Variants in ABCC10 observed in about 807,000 individuals in gnomAD.
ABCC10 encodes ATP-binding cassette sub-family C member 10.
Under a neutral mutation model 143.2 loss-of-function variants are expected in ABCC10, and 110 were observed. That is an observed-to-expected ratio of 0.77 (90% confidence interval 0.66 to 0.90). The LOEUF (loss-of-function observed/expected upper bound fraction) is 0.90. ABCC10 is among the 40% of genes least tolerant of loss of function. ABCC10 has a pLI of 0.00. For synonymous variants in ABCC10, 805 were observed against 846.7 expected (o/e 0.95, Z 0.85); for missense variants, 1,700 against 1,900.5 (o/e 0.89, Z 1.96).
At chr6:43,438,322 G>A in intron 7 of ABCC10, 1 of 1,399,340 alleles carries the variant, frequency 7.1e-7, no homozygotes, top group East Asian at 2.6e-5. Flanking sequence ...GTTTGAGGGA[G>A]GACCTTGTTT....
At chr6:43,436,477 C>T (rs940975006) in intron 6 of ABCC10, among the ~76,000 whole-genome samples, 5 of 152,186 alleles carry the variant, frequency 3.3e-5, no homozygotes, top group African/African-American at 1.2e-4. Flanking sequence ...TTGTATCCAT[C>T]CAGTCCAGAC....
In ABCC10 at chr6:43,443,884, A is replaced by G. The variant is rs376371466; in HGVS notation, c.2417-49A>G. 1.1e-5 allele frequency: 17 copies of G among 1,542,118 alleles called. No individual in the cohort carries two copies. The African/African-American group carries it at 2.2e-4, about 20-fold the overall frequency. On this transcript the variant is annotated intron_variant, in intron 10 of 21. Transcript: ENST00000372530. The surrounding 1 kb of genome is among the most constrained non-coding windows in gnomAD (Gnocchi z 4.2). ...TCTGCACACGCACTGAGAAAGGCAT[A>G]GTATAGACTCAGAACAGTCCTCTCC...
At position 43,447,264 on chromosome 6, in the gene ABCC10, G is replaced by T. The variant is rs117689292; in HGVS notation, c.3561G>T (p.Ser1187=). 1.7e-4 allele frequency: 269 copies of T among 1,613,298 alleles called. No individual in the cohort carries two copies. In the East Asian group the frequency reaches 5.7e-3, roughly 34 times the overall value. ...CTCCCCCAGGGCTGGTGGGCTTGTCGCTGTCTTATGCCCTGTCCCTGACGG... is the reference window on the plus strand; with the variant it reads ...CTCCCCCAGGGCTGGTGGGCTTGTCTCTGTCTTATGCCCTGTCCCTGACGG... ...GLANPGLVGL[S]LSYALSLTGL... Residue 1187 remains serine, a synonymous_variant, in exon 17 of 22, where the codon TCG becomes TCT. Coordinates refer to ENST00000372530, the MANE Select transcript of ABCC10 (RefSeq NM_001198934.2).
At chr6:43,451,478 T>G (rs2127419955), downstream of ABCC10, among the ~76,000 whole-genome samples, 1 of 152,328 alleles carries the variant, frequency 6.6e-6, no homozygotes, top group East Asian at 1.9e-4. The surrounding 1 kb of genome is among the most constrained non-coding windows in gnomAD (Gnocchi z 4.4). Context: ...TGTCAAGCCA[T>G]TAGCACAGGG....
At position 43,444,917 on chromosome 6, in the gene ABCC10, T is replaced by C; in HGVS notation, c.2819T>C (p.Leu940Pro). ...SMGLFSPQLL[L>P]FSPGNLYIPV... ...GGGCTCTTCTCTCCGCAGCTGCTCC[T>C]CTTTTCCCCTGGAAACCTCTAGTGA... The change falls in exon 13 of 22, where the codon CTC (leucine) becomes CCC (proline). Residue 940 changes from leucine (L) to proline (P), a missense_variant. Transcript: ENST00000372530. 2 of 1,613,224 alleles carry C rather than the reference T, an allele frequency of 1.2e-6. No homozygotes were observed. Among genetic ancestry groups the C allele is most frequent in the Non-Finnish European group, 1.7e-6 (2 of 1,179,618 alleles).
Position 43,447,837 on chromosome 6 carries a change from T to C in ABCC10, c.3859T>C (p.Ser1287Pro). The change falls in exon 18 of 22, where the codon TCT (serine) becomes CCT (proline). Residue 1287 changes from serine to proline, a missense_variant. Physicochemically the swap from Ser to Pro is moderately conservative, Grantham distance 74 (BLOSUM62 -1). Coordinates refer to ENST00000372530, the MANE Select transcript of ABCC10 (RefSeq NM_001198934.2). Reference protein sequence around the residue: ...GIVGRTGSGKSSLLLVLFRLL... With the variant: ...GIVGRTGSGKPSLLLVLFRLL... The stretch of plus-strand genomic sequence containing the variant: ...CGTGGGCCGCACAGGCTCCGGCAAG[T>C]CTTCCCTGTTGTTGGTGCTCTTCCG... 6.2e-7 allele frequency: 1 copy of C among 1,613,816 alleles called. No homozygotes were observed. Among genetic ancestry groups the C allele is most frequent in the South Asian group, 1.1e-5 (1 of 91,090 alleles).
At chr6:43,428,312 C>G (rs1006366200) in intron 2 of ABCC10, among the ~76,000 whole-genome samples, 173 bp downstream of exon 2, 11 of 152,190 alleles carry the variant, frequency 7.2e-5, no homozygotes, top group Non-Finnish European at 2.9e-5. Flanking sequence ...GGGCAAGTAC[C>G]TGCCTTCTCT....
rs372799641 is a variant in ABCC10, at chr6:43,435,196, C to G, written c.1608+348C>G. On this transcript the variant is annotated intron_variant, in intron 4 of 21. Coordinates refer to ENST00000372530, the MANE Select transcript of ABCC10 (RefSeq NM_001198934.2). The stretch of plus-strand genomic sequence containing the variant: ...CAGGTGATGTTGCTACTTGGAAATT[C>G]TAAAAAAAAGACTCAAAATGAGCTA... The G allele has an allele frequency of 2.4e-3, 509 of 216,276 alleles. 23 individuals carry two copies. The South Asian group carries it at 0.055, about 23-fold the overall frequency. 13.4% of individuals were successfully genotyped at this position (216,276 alleles called of 1,614,324 possible).
rs137869558 is a variant in ABCC10, at chr6:43,433,286, G to A, written c.1306G>A (p.Val436Ile). ...CATCTTGGCACTGCTGCTGGTACCC[G>A]TCAACAAAGTGATTGCCACCCGCAT... The part of the protein sequence containing the change: ...GLILALLLVP[V>I]NKVIATRIMA... Residue 436 changes from valine to isoleucine, a missense_variant, in exon 3 of 22, where the codon GTC becomes ATC. Physicochemically the swap from Val to Ile is conservative, Grantham distance 29. Transcript: ENST00000372530. 3.2e-5 allele frequency: 52 copies of A among 1,614,034 alleles called. No homozygotes were observed. In the African/African-American group the frequency reaches 3.7e-4, roughly 12 times the overall value.
chr6:43,442,166 T>G (rs1782542953), intron 9 of ABCC10: 1 of 414,354 alleles, frequency 2.4e-6, no homozygotes, highest in Admixed American at 3.8e-5. Context: ...ATTTGTAGGC[T>G]GGGCATGGTG....
intron 8 of ABCC10, among the ~76,000 whole-genome samples, chr6:43,440,854 A>T (rs563903813): frequency 1.3e-3 from 147 of 109,776 alleles, no homozygotes; most frequent in African/African-American, 4.7e-3. Context: ...ACAGAGTGAG[A>T]CTCCGTCTCA....
chr6:43,440,660 G>A (rs139686820), intron 8 of ABCC10, among the ~76,000 whole-genome samples: 4,225 of 151,890 alleles, frequency 0.028, 219 homozygotes, highest in African/African-American at 0.097. Flanking sequence ...TCAGGAGTTC[G>A]AGACCAGCCT....
chr6:43,444,712 G>A (rs1053067228), intron 12 of ABCC10, 76 bp from the exon 13 acceptor site: 1 of 1,508,024 alleles, frequency 6.6e-7, no homozygotes, highest in Non-Finnish European at 8.8e-7. Context: ...GGCAAGGGCG[G>A]AGAAAGGGGG....
chr6:43,437,525 A>T (rs1781880377), intron 6 of ABCC10, among the ~76,000 whole-genome samples: 1 of 151,062 alleles, frequency 6.6e-6, no homozygotes, highest in African/African-American at 2.4e-5. Context: ...CCCCTGAGAT[A>T]TGGTAACTCT....
rs371159732 is a variant in ABCC10 at position 43,432,901 on chromosome 6, C to G, written c.921C>G (p.Ser307=). ...GATTCTCAGGGCCCCTGTTGCTCTCCCTACTGGTGGGCTTCCTGGAAGAGG... is the reference window on the plus strand; with the variant it reads ...GATTCTCAGGGCCCCTGTTGCTCTCGCTACTGGTGGGCTTCCTGGAAGAGG... ...MLGFSGPLLL[S]LLVGFLEEGQ... Residue 307 remains serine, a synonymous_variant, in exon 3 of 22, where the codon TCC becomes TCG. Coordinates refer to ENST00000372530, the MANE Select transcript of ABCC10 (RefSeq NM_001198934.2). 6.2e-7 allele frequency: 1 copy of G among 1,614,054 alleles called. No individual in the cohort carries two copies. The highest frequency in any genetic ancestry group is 8.5e-7 in the Non-Finnish European group (1 of 1,180,044).
chr6:43,448,347 C>T (rs994492709), intron 18 of ABCC10, among the ~76,000 whole-genome samples: 1 of 152,160 alleles, frequency 6.6e-6, no homozygotes, highest in African/African-American at 2.4e-5. Context: ...TCCAGGTCAA[C>T]CTAGTATCAT....
chr6:43,438,918 T>G, intron 8 of ABCC10, 123 bp downstream of exon 8: 1 of 1,208,738 alleles, frequency 8.3e-7, no homozygotes, highest in East Asian at 2.4e-5. Flanking sequence ...TATCTAGGAA[T>G]GGCCATCGGA....
rs1181368946 is a variant in ABCC10, at chr6:43,434,609, T to C, written c.1381-12T>C. 6.2e-7 allele frequency: 1 copy of C among 1,610,198 alleles called. No individual in the cohort carries two copies. Among genetic ancestry groups the C allele is most frequent in the South Asian group, 1.1e-5 (1 of 90,750 alleles). ...CTCCACTTCACGCCTCTCCCTTGTC[T>C]CCTTTCCCTAGCTTGTGACAGAGCT... On this transcript the variant is annotated splice_polypyrimidine_tract_variant and intron_variant, in intron 3 of 21. Coordinates refer to ENST00000372530, the MANE Select transcript of ABCC10 (RefSeq NM_001198934.2).
In ABCC10 at chr6:43,432,761, C is replaced by CG; in HGVS notation, c.782dup (p.Val262CysfsTer86). 6.2e-7 allele frequency: 1 copy of CG among 1,614,190 alleles called. No individual in the cohort carries two copies. The highest frequency in any genetic ancestry group is 1.1e-5 in the South Asian group (1 of 91,084). On this transcript the variant is annotated frameshift_variant, in exon 3 of 22. Transcript: ENST00000372530. LOFTEE classifies it high-confidence loss of function. ...CAGACTGCAGCCAACCTACCTGGCT[C>CG]GTGTCTTCCAGGCACACTGGCAGGA...
Sources: allele counts gnomAD v4.1 joint callset (sites outside exome capture counted in the v4.1 genomes callset), GRCh38; gene constraint gnomAD v4.1.1; non-coding constraint Gnocchi (gnomAD v3.1); transcripts MANE v1.5; gene names NCBI Gene and HGNC (gene_info 2026-07-23, HGNC 2026-07-21).